CFAP221: variants seen among roughly 807,000 people sequenced by gnomAD.
CFAP221 encodes the protein cilia and flagella associated protein 221, also known as cilia- and flagella-associated protein 221.
A neutral mutation model predicts 113.1 loss-of-function variants in CFAP221; 97 were observed. The ratio of observed to expected loss-of-function variants is 0.86; its 90% CI spans 0.73 to 1.02. CFAP221 has a LOEUF of 1.02. CFAP221 is among the 50% of genes least tolerant of loss of function. The pLI is 0.00. For synonymous variants in CFAP221, 331 were observed against 354.4 expected (o/e 0.93, Z 0.74); for missense variants, 1,025 against 1,013.4 (o/e 1.01, Z -0.16).
Position 119,636,171 on chromosome 2 carries a change from A to G in CFAP221, c.1975-2088A>G, listed in dbSNP as rs147780812. ...AGCCAAACCCGTAATCCAAGCCTCT[A>G]CTTGGCCTGGAAGAGAAACATATTT... On this transcript the variant is annotated intron_variant, in intron 19 of 23. Coordinates refer to ENST00000413369, the MANE Select transcript of CFAP221 (RefSeq NM_001271049.2). Among the ~76,000 whole-genome samples the G allele has an allele frequency of 2.6e-5, 4 of 152,356 alleles. No homozygotes were observed. The East Asian group carries it at 7.7e-4, about 29-fold the overall frequency.
At chr2:119,650,791 T>G (rs975263996) in intron 22 of CFAP221, among the ~76,000 whole-genome samples, 1 of 152,236 alleles carries the variant, frequency 6.6e-6, no homozygotes, top group African/African-American at 2.4e-5. Flanking sequence ...TCAGTAAATA[T>G]TAGCTTTCAA....
chr2:119,597,935 C>G (rs969970336), intron 7 of CFAP221, among the ~76,000 whole-genome samples: 1 of 152,172 alleles, frequency 6.6e-6, no homozygotes, highest in African/African-American at 2.4e-5. Flanking sequence ...GGAGTAGCCT[C>G]CAGTCCTTCT....
chr2:119,605,868 GC>G (rs1488194266), intron 11 of CFAP221, among the ~76,000 whole-genome samples: 3 of 152,080 alleles, frequency 2.0e-5, no homozygotes. Context: ...TGTCACCCCA[GC>G]TGGAGTGGTC....
intron 14 of CFAP221, among the ~76,000 whole-genome samples, chr2:119,617,602 G>A (rs773936551): frequency 1.2e-4 from 19 of 152,300 alleles, no homozygotes; most frequent in Non-Finnish European, 2.4e-4. Context: ...AGCAAGCCCT[G>A]TCAGTTCTAT....
chr2:119,598,056 C>T lies in CFAP221; in HGVS notation c.632-3162C>T, dbSNP rs558398393. 3.3e-5 allele frequency among the ~76,000 whole-genome samples: 5 copies of T among 152,228 alleles called. No homozygotes were observed. In the East Asian group the frequency reaches 7.7e-4, roughly 24 times the overall value. On this transcript the variant is annotated intron_variant, in intron 7 of 23. Coordinates refer to ENST00000413369, the MANE Select transcript of CFAP221 (RefSeq NM_001271049.2). ...AGACTCTTTTCTGCCTCAATAACAC[C>T]TTAAGTATGTGGCTCGAATGGCTCT...
At chr2:119,579,245 A>G (rs2104592487) in intron 6 of CFAP221, among the ~76,000 whole-genome samples, 1 of 152,210 alleles carries the variant, frequency 6.6e-6, no homozygotes, top group African/African-American at 2.4e-5. Context: ...AAGTTACAGA[A>G]GAGCTCTAAT....
Position 119,601,466 on chromosome 2 carries a change from A to G in CFAP221, c.791+89A>G, listed in dbSNP as rs1684362731. ...TTCTTCCATTCTGTCTTTCTTGTAA[A>G]AGAATGTCATCAAAAACTTATTTAA... is the stretch of plus-strand genomic sequence containing the variant. On this transcript the variant is annotated intron_variant, in intron 8 of 23. Transcript: ENST00000413369. 3 of 1,221,848 alleles carry G rather than the reference A, an allele frequency of 2.5e-6. No homozygotes were observed. In the South Asian group the frequency reaches 5.9e-5, roughly 24 times the overall value. The allele number at this position is 1,221,848 out of a possible 1,614,324, so 75.7% of individuals were successfully genotyped here.
intron 7 of CFAP221, 119 bp from the exon 8 acceptor site, chr2:119,601,099 A>G: frequency 1.0e-6 from 1 of 994,588 alleles, no homozygotes; most frequent in Non-Finnish European, 1.4e-6. Flanking sequence ...TTGTGTGGGG[A>G]GTCAGTGCCC....
rs1444779758 is a variant in CFAP221, at chr2:119,546,230, G to C, written c.99G>C (p.Pro33=). 6.5e-7 allele frequency: 1 copy of C among 1,534,666 alleles called. No homozygotes were observed. The highest frequency in any genetic ancestry group is 8.7e-7 in the Non-Finnish European group (1 of 1,146,372). The change falls in exon 2 of 24, where the codon CCG becomes CCC. Residue 33 remains proline (P), a synonymous_variant. Transcript: ENST00000413369. ...PHLLKNLVEE[P]KKRKEVPNHL... Reference sequence around the variant, plus strand: ...TCTTGAAGAACCTAGTGGAGGAGCCGAAAAAAAGAAAAGAAGTACCTAATC... The same window carrying C: ...TCTTGAAGAACCTAGTGGAGGAGCCCAAAAAAAGAAAAGAAGTACCTAATC...
In CFAP221 at chr2:119,651,615, T is replaced by A. The variant is rs1173722619; in HGVS notation, c.2319-359T>A. Among the ~76,000 whole-genome samples, 3 of 152,236 alleles carry A rather than the reference T, an allele frequency of 2.0e-5. No homozygotes were observed. In the East Asian group the frequency reaches 5.8e-4, roughly 29 times the overall value. On this transcript the variant is annotated intron_variant, in intron 22 of 23. Coordinates refer to ENST00000413369, the MANE Select transcript of CFAP221 (RefSeq NM_001271049.2). Reference sequence around the variant, plus strand: ...CTAATTCCATTGTGGAGAGAGAACATATTCCGACTAATTTTAGTCTTTTGA... The same window carrying A: ...CTAATTCCATTGTGGAGAGAGAACAAATTCCGACTAATTTTAGTCTTTTGA...
chr2:119,575,688 A>T (rs1682397756), intron 6 of CFAP221, among the ~76,000 whole-genome samples: 1 of 152,174 alleles, frequency 6.6e-6, no homozygotes, highest in Non-Finnish European at 1.5e-5. Flanking sequence ...TCACAATAGC[A>T]TGGCTGTACT....
At position 119,629,865 on chromosome 2, in the gene CFAP221, C is replaced by T. The variant is rs377708653; in HGVS notation, c.1651-10C>T. The T allele has an allele frequency of 7.6e-5, 121 of 1,601,972 alleles. No individual in the cohort carries two copies. In the African/African-American group the frequency reaches 1.5e-3, roughly 20 times the overall value. On this transcript the variant is annotated splice_polypyrimidine_tract_variant and intron_variant, in intron 16 of 23. Coordinates refer to ENST00000413369, the MANE Select transcript of CFAP221 (RefSeq NM_001271049.2). ...TGATTGTTCTCTTTTTTTCTCCTTT[C>T]ACATTTTAGGCTCCTGATGGCCTTG...
intron 22 of CFAP221, among the ~76,000 whole-genome samples, chr2:119,648,909 G>C (rs562308617): frequency 3.9e-5 from 6 of 152,322 alleles, no homozygotes; most frequent in African/African-American, 1.4e-4. Flanking sequence ...AAAGGTCTGG[G>C]CTGTGATCAC....
At chr2:119,625,025 A>G (rs1217433277) in intron 14 of CFAP221, among the ~76,000 whole-genome samples, 1 of 152,166 alleles carries the variant, frequency 6.6e-6, no homozygotes, top group Non-Finnish European at 1.5e-5. Context: ...ATATATTAAA[A>G]AAAAAAAAGA....
chr2:119,611,463 G>C (rs191994173), intron 12 of CFAP221, among the ~76,000 whole-genome samples, 190 bp from the exon 13 acceptor site: 1 of 147,848 alleles, frequency 6.8e-6, no homozygotes. Context: ...TCTGTGCTTC[G>C]ATAAGAGCTC....
rs1442144405 is a variant in CFAP221 at position 119,587,187 on chromosome 2, A to C, written c.596A>C (p.Gln199Pro). 7.8e-6 allele frequency: 12 copies of C among 1,532,826 alleles called. No individual in the cohort carries two copies. The highest frequency in any genetic ancestry group is 1.0e-5 in the Non-Finnish European group (12 of 1,145,132). The allele number at this position is 1,532,826 out of a possible 1,614,324, so 95.0% of individuals were successfully genotyped here. Reference protein sequence around the residue: ...VDFEFYITLIQSHQAFAIEPT... With the variant: ...VDFEFYITLIPSHQAFAIEPT... ...TTTGAGTTTTATATCACCTTGATTCAGTCTCATCAAGCCTTTGCTATTGAG... is the reference window on the plus strand; with the variant it reads ...TTTGAGTTTTATATCACCTTGATTCCGTCTCATCAAGCCTTTGCTATTGAG... Residue 199 changes from glutamine to proline, a missense_variant, in exon 7 of 24, where the codon CAG (glutamine) becomes CCG (proline). Gln to Pro is a moderately conservative substitution (Grantham distance 76). Transcript: ENST00000413369.
chr2:119,608,465 A>T, intron 11 of CFAP221, 37 bp from the exon 12 acceptor site: 1 of 1,448,120 alleles, frequency 6.9e-7, no homozygotes, highest in Non-Finnish European at 9.3e-7. Flanking sequence ...TGGTATTCTG[A>T]TGGGTTCTGG....
rs779009608 is a variant in CFAP221, at chr2:119,638,421, A to G, written c.2133+4A>G. On this transcript the variant is annotated splice_donor_region_variant and intron_variant, in intron 20 of 23. Transcript: ENST00000413369. ...AAAGCAGTTTCTCCATCACACGGTA[A>G]TGTCATCACCAGGCTCACTGGCAGA... The G allele has an allele frequency of 4.3e-6, 7 of 1,613,904 alleles. No individual in the cohort carries two copies. In the African/African-American group the frequency reaches 6.7e-5, roughly 15 times the overall value.
chr2:119,631,173 A>C (rs1686752652), intron 19 of CFAP221: 1 of 850,670 alleles, frequency 1.2e-6, no homozygotes, highest in Admixed American at 4.7e-5. Context: ...GAAGAAATTG[A>C]AAAAGAAATT....
Sources: allele counts gnomAD v4.1 joint callset (sites outside exome capture counted in the v4.1 genomes callset), GRCh38; gene constraint gnomAD v4.1.1; transcripts MANE v1.5; gene names NCBI Gene and HGNC (gene_info 2026-07-23, HGNC 2026-07-21).